Variants in PIEZO2 observed in about 807,000 individuals in gnomAD.
The protein encoded by PIEZO2 is piezo type mechanosensitive ion channel component 2, also known as piezo-type mechanosensitive ion channel component 2.
Under a neutral mutation model 337.3 loss-of-function variants are expected in PIEZO2, and 172 were observed. That is an observed-to-expected ratio of 0.51 (90% CI 0.45 to 0.58). The LOEUF (loss-of-function observed/expected upper bound fraction) is 0.58. Ranked by LOEUF, PIEZO2 falls within the 20% of genes least tolerant of loss-of-function variation. The pLI is 0.00. For synonymous variants in PIEZO2, 1,251 were observed against 1,228.5 expected (o/e 1.02, Z -0.38); for missense variants, 3,028 against 3,391.3 (o/e 0.89, Z 2.66).
At chr18:11,020,073 A>G (rs2036256416) in intron 2 of PIEZO2, among the ~76,000 whole-genome samples, 1 of 152,188 alleles carries the variant, frequency 6.6e-6, no homozygotes, top group Non-Finnish European at 1.5e-5. Context: ...TAAATTAGAA[A>G]CTTAAGCTTC....
rs1267429018 is a variant in PIEZO2 at position 11,092,038 on chromosome 18, G to T, written c.65-25816C>A. On this transcript the variant is annotated intron_variant, in intron 1 of 55. Coordinates refer to ENST00000674853, the MANE Select transcript of PIEZO2 (RefSeq NM_001378183.1). The surrounding 1 kb of genome is among the most constrained non-coding windows in gnomAD (Gnocchi z 4.5). ...ATCCCAATAAAAGACTCTTTGGAGG[G>T]TGTGGCAAATGTGGTCTTTGATGCA... 1.3e-5 allele frequency among the ~76,000 whole-genome samples: 2 copies of T among 152,332 alleles called. No homozygotes were observed. Among genetic ancestry groups the T allele is most frequent in the African/African-American group, 4.8e-5 (2 of 41,582 alleles).
chr18:10,838,339 T>G (rs549972464), intron 7 of PIEZO2, among the ~76,000 whole-genome samples: 23 of 152,312 alleles, frequency 1.5e-4, no homozygotes, highest in Admixed American at 1.5e-3. Flanking sequence ...CCATAGATAT[T>G]TTATTTTGTG....
chr18:10,809,559 C>T (rs1365992017), intron 7 of PIEZO2, among the ~76,000 whole-genome samples: 4 of 142,110 alleles, frequency 2.8e-5, no homozygotes, highest in Non-Finnish European at 6.1e-5. Context: ...TGAGCCACCG[C>T]ACCTGGCATC....
At chr18:11,014,329 C>T (rs9945970) in intron 2 of PIEZO2, among the ~76,000 whole-genome samples, 1 of 71,268 alleles carries the variant, frequency 1.4e-5, no homozygotes, top group Non-Finnish European at 3.5e-5. Context: ...TCCGGGGCTC[C>T]CTCATTCCTC....
intron 3 of PIEZO2, among the ~76,000 whole-genome samples, chr18:10,934,279 G>A (rs1020974774): frequency 1.8e-4 from 27 of 152,260 alleles, no homozygotes; most frequent in African/African-American, 6.3e-4. Context: ...CATGGGTGAC[G>A]AAGGGCAGGC....
At chr18:10,755,446 C>T (rs1392511529) in intron 27 of PIEZO2, among the ~76,000 whole-genome samples, 2 of 152,264 alleles carry the variant, frequency 1.3e-5, no homozygotes, top group African/African-American at 4.8e-5. Context: ...CCTCAGACAG[C>T]TGACTATAGT....
chr18:10,984,444 T>A (rs1412893877), intron 2 of PIEZO2, among the ~76,000 whole-genome samples: 1 of 151,790 alleles, frequency 6.6e-6, no homozygotes, highest in Non-Finnish European at 1.5e-5. Flanking sequence ...ATGACTTAAC[T>A]GAAAAATTTA....
At chr18:10,998,631 C>T (rs893315128) in intron 2 of PIEZO2, among the ~76,000 whole-genome samples, 1 of 151,956 alleles carries the variant, frequency 6.6e-6, no homozygotes, top group African/African-American at 2.4e-5. Context: ...AAAAGTAACC[C>T]AGACAATAGA....
chr18:10,958,250 C>T (rs940353779), intron 3 of PIEZO2, among the ~76,000 whole-genome samples: 7 of 152,022 alleles, frequency 4.6e-5, no homozygotes, highest in African/African-American at 1.7e-4. Context: ...AAGCCAGGCA[C>T]AGAAAGACAA....
At position 11,125,712 on chromosome 18, in the gene PIEZO2, G is replaced by C. The variant is rs1328144120; in HGVS notation, c.64+22813C>G. Among the ~76,000 whole-genome samples the C allele has an allele frequency of 6.6e-6, 1 of 152,220 alleles. No individual in the cohort carries two copies. The highest frequency in any genetic ancestry group is 1.5e-5 in the Non-Finnish European group (1 of 68,034). Reference sequence around the variant, plus strand: ...GAAAAGAGAGTCTAGTTCAGGGCAGGACAACATTCCAGCCCCCACTGACAG... The same window carrying C: ...GAAAAGAGAGTCTAGTTCAGGGCAGCACAACATTCCAGCCCCCACTGACAG... On this transcript the variant is annotated intron_variant, in intron 1 of 55. Coordinates refer to ENST00000674853, the MANE Select transcript of PIEZO2 (RefSeq NM_001378183.1). This position sits in a 1 kb window ranked among gnomAD's most constrained non-coding sequence, Gnocchi z 4.4.
At position 10,908,680 on chromosome 18, in the gene PIEZO2, C is replaced by G. The variant is rs1213292503; in HGVS notation, c.329+2506G>C. The stretch of plus-strand genomic sequence containing the variant: ...AAACCTGAGATGACATGGGAAAACA[C>G]AGGATGACATGTTAAGACATCCAAA... On this transcript the variant is annotated intron_variant, in intron 4 of 55. Coordinates refer to ENST00000674853, the MANE Select transcript of PIEZO2 (RefSeq NM_001378183.1). 2.0e-5 allele frequency: 3 copies of G among 152,224 alleles called. No homozygotes were observed. In the East Asian group the frequency reaches 5.8e-4, roughly 29 times the overall value. The allele number at this position is 152,224 out of a possible 1,614,324, so 9.4% of individuals were successfully genotyped here.
chr18:10,866,392 T>C lies in PIEZO2; in HGVS notation c.492+4861A>G, dbSNP rs147820718. Among the ~76,000 whole-genome samples the C allele has an allele frequency of 4.1e-3, 620 of 152,034 alleles. 11 individuals carry two copies. Among genetic ancestry groups the C allele is most frequent in the East Asian group, 0.033 (169 of 5,162 alleles). ...CCTCTGCCTCCCAGGTTCAAGCGAT[T>C]CTCCTGCCTCAGCCTCCTGAGTAGG... On this transcript the variant is annotated intron_variant, in intron 5 of 55. Transcript: ENST00000674853.
intron 2 of PIEZO2, among the ~76,000 whole-genome samples, chr18:10,996,598 G>A (rs1425670893): frequency 6.6e-6 from 1 of 152,102 alleles, no homozygotes; most frequent in African/African-American, 2.4e-5. Flanking sequence ...GGCCTTTTGT[G>A]TCTCACTTTT....
At chr18:11,071,828 A>G (rs908553103) in intron 1 of PIEZO2, among the ~76,000 whole-genome samples, 2 of 152,196 alleles carry the variant, frequency 1.3e-5, no homozygotes, top group Non-Finnish European at 2.9e-5. Flanking sequence ...CAGGCCTTGC[A>G]AGGGCTCCGG....
At chr18:11,034,428 G>A (rs1051498021) in intron 2 of PIEZO2, among the ~76,000 whole-genome samples, 32 of 152,064 alleles carry the variant, frequency 2.1e-4, no homozygotes, top group Admixed American at 1.1e-3. Flanking sequence ...GAGTAGCTGG[G>A]ACTACAGGCG....
chr18:10,725,180 A>T, intron 36 of PIEZO2: 1 of 1,534,056 alleles, frequency 6.5e-7, no homozygotes, highest in Non-Finnish European at 9.0e-7. Flanking sequence ...CAGTTCATCC[A>T]TCAGGCAGTT....
chr18:10,730,591 G>A (rs2036724240), intron 36 of PIEZO2, among the ~76,000 whole-genome samples: 1 of 152,096 alleles, frequency 6.6e-6, no homozygotes, highest in African/African-American at 2.4e-5. Flanking sequence ...CCTTAGAGAT[G>A]TGTTTATATC....
rs531691514 is a variant in PIEZO2, at chr18:10,925,805, T to TG, written c.287-14578dup. ...GGATGGTCTCGATCTCCTGACCTCG[T>TG]GATCTGCCCGCCTCAGCCTCCCAAA... On this transcript the variant is annotated intron_variant, in intron 3 of 55. Transcript: ENST00000674853. 2.6e-3 allele frequency among the ~76,000 whole-genome samples: 397 copies of TG among 152,294 alleles called. 1 individual carries two copies. Among genetic ancestry groups the TG allele is most frequent in the African/African-American group, 8.8e-3 (364 of 41,564 alleles).
chr18:10,925,582 A>G (rs1391131341), intron 3 of PIEZO2, among the ~76,000 whole-genome samples: 1 of 152,066 alleles, frequency 6.6e-6, no homozygotes, highest in Non-Finnish European at 1.5e-5. Flanking sequence ...AAAGTGAAAA[A>G]AAATTTTTTT....
Sources: allele counts gnomAD v4.1 joint callset (sites outside exome capture counted in the v4.1 genomes callset), GRCh38; gene constraint gnomAD v4.1.1; non-coding constraint Gnocchi (gnomAD v3.1); transcripts MANE v1.5; gene names NCBI Gene and HGNC (gene_info 2026-07-23, HGNC 2026-07-21).